DCDC2: variants seen among roughly 807,000 people sequenced by gnomAD.
The protein encoded by DCDC2 is doublecortin domain-containing protein 2.
In DCDC2, 40 loss-of-function variants were observed where a neutral mutation model predicts 50.2. The observed-to-expected ratio is 0.80, with a 90% CI of 0.62 to 1.04. The LOEUF (loss-of-function observed/expected upper bound fraction) is 1.04. Ranked by LOEUF, DCDC2 falls within the 50% of genes least tolerant of loss-of-function variation. The probability of loss-of-function intolerance (pLI) is 0.00; values close to 1 mark genes in which losing one functional copy is unlikely to be tolerated. For synonymous variants in DCDC2, 234 were observed against 210.6 expected, an observed-to-expected ratio of 1.11 and a Z score of -0.96; for missense variants, 570 against 581.9, an observed-to-expected ratio of 0.98 and a Z score of 0.21.
intron 7 of DCDC2, among the ~76,000 whole-genome samples, chr6:24,264,410 T>C (rs1435469755): frequency 8.5e-6 from 1 of 117,316 alleles, no homozygotes; most frequent in Admixed American, 9.9e-5. Flanking sequence ...CTATTAAAAA[T>C]AACTACAAAA....
intron 7 of DCDC2, among the ~76,000 whole-genome samples, chr6:24,270,247 G>T (rs924837697): frequency 6.6e-6 from 1 of 152,078 alleles, no homozygotes; most frequent in Admixed American, 6.5e-5. Context: ...TTGACTCTGG[G>T]CAAACTGGTT....
chr6:24,175,276 A>T lies in DCDC2; in HGVS notation c.1327-442T>A, dbSNP rs978680206. 2.0e-4 allele frequency among the ~76,000 whole-genome samples: 31 copies of T among 152,326 alleles called. 1 individual carries two copies. The highest frequency in any genetic ancestry group is 3.4e-3 in the Middle Eastern group (1 of 294). ...TGGTACCAAGTACCATCAAGTAGCAAGTAGATAAGAAAAAGACAGAAAATC... is the reference window on the plus strand; with the variant it reads ...TGGTACCAAGTACCATCAAGTAGCATGTAGATAAGAAAAAGACAGAAAATC... On this transcript the variant is annotated intron_variant, in intron 9 of 9. Coordinates refer to ENST00000378454, the MANE Select transcript of DCDC2 (RefSeq NM_016356.5).
chr6:24,173,022 A>AATAATAATAAT lies in DCDC2; in HGVS notation c.*1707_*1708insATTATTATTAT, dbSNP rs1760818963. On this transcript the variant is annotated 3_prime_UTR_variant, in exon 10 of 10. Coordinates refer to ENST00000378454, the MANE Select transcript of DCDC2 (RefSeq NM_016356.5). ...ATAATAATAATAATAATAATAATAAAGATCAATTGGTCTATTTGCCTACCA... is the reference window on the plus strand; with the variant it reads ...ATAATAATAATAATAATAATAATAAAATAATAATAATGATCAATTGGTCTATTTGCCTACCA... 1 of 116,666 alleles carries AATAATAATAAT rather than the reference A, an allele frequency of 8.6e-6. No homozygotes were observed. 7.2% of individuals were successfully genotyped at this position (116,666 alleles called of 1,614,324 possible).
At chr6:24,272,115 C>T (rs1763252156) in intron 7 of DCDC2, among the ~76,000 whole-genome samples, 4 of 152,138 alleles carry the variant, frequency 2.6e-5, no homozygotes, top group Admixed American at 2.6e-4. Context: ...TAGTATTTTA[C>T]TCCACTCAAA....
At chr6:24,275,269 A>T (rs1174636942) in intron 7 of DCDC2, among the ~76,000 whole-genome samples, 1 of 152,212 alleles carries the variant, frequency 6.6e-6, no homozygotes, top group African/African-American at 2.4e-5. Context: ...TTGATATTAT[A>T]ATCTGGAAAA....
chr6:24,359,564 T>TTA (rs1177406943), upstream of DCDC2, among the ~76,000 whole-genome samples: 1 of 116,724 alleles, frequency 8.6e-6, no homozygotes, highest in East Asian at 2.2e-4. Context: ...TTATATATTT[T>TTA]TATATATATA....
At chr6:24,207,035 T>C (rs943897846) in intron 7 of DCDC2, among the ~76,000 whole-genome samples, 10 of 152,208 alleles carry the variant, frequency 6.6e-5, no homozygotes, top group African/African-American at 2.2e-4. Flanking sequence ...ATAGGCCTAC[T>C]AGAATTTTCA....
At chr6:24,204,680 T>C (rs1197417090) in intron 8 of DCDC2, among the ~76,000 whole-genome samples, 3 of 152,148 alleles carry the variant, frequency 2.0e-5, no homozygotes, top group African/African-American at 2.4e-5. Context: ...CAGATGAAAA[T>C]CCCAAACCAA....
At chr6:24,238,497 C>G (rs1330198354) in intron 7 of DCDC2, among the ~76,000 whole-genome samples, 1 of 151,862 alleles carries the variant, frequency 6.6e-6, no homozygotes, top group Non-Finnish European at 1.5e-5. Context: ...TGGGGTTTCA[C>G]CATGTTGGCC....
chr6:24,280,780 T>G (rs1254485687), intron 6 of DCDC2, among the ~76,000 whole-genome samples: 1 of 152,268 alleles, frequency 6.6e-6, no homozygotes, highest in South Asian at 2.1e-4. Context: ...CCTCAGGTGA[T>G]CCACCCACCT....
chr6:24,185,646 A>G (rs977869492), intron 8 of DCDC2, among the ~76,000 whole-genome samples: 3 of 150,588 alleles, frequency 2.0e-5, no homozygotes, highest in African/African-American at 4.9e-5. Flanking sequence ...CAATCAAATC[A>G]TCCCCAGAAG....
At chr6:24,342,036 T>C (rs1760167263) in intron 2 of DCDC2, among the ~76,000 whole-genome samples, 2 of 152,240 alleles carry the variant, frequency 1.3e-5, no homozygotes, top group African/African-American at 4.8e-5. Flanking sequence ...TAAGTTTCTA[T>C]ATCCTAATCA....
At chr6:24,185,165 T>C (rs1761163324) in intron 8 of DCDC2, among the ~76,000 whole-genome samples, 2 of 152,214 alleles carry the variant, frequency 1.3e-5, no homozygotes, top group South Asian at 4.1e-4. Context: ...TTTTTTCTCC[T>C]TTTAATGCAA....
intron 2 of DCDC2, among the ~76,000 whole-genome samples, chr6:24,336,770 T>C (rs535916167): frequency 1.4e-4 from 22 of 152,246 alleles, no homozygotes; most frequent in Non-Finnish European, 2.9e-4. Flanking sequence ...GTAAACCCTG[T>C]CTTATTTCAC....
intron 7 of DCDC2, among the ~76,000 whole-genome samples, chr6:24,224,970 T>C (rs539547056): frequency 8.5e-5 from 13 of 152,322 alleles, no homozygotes; most frequent in Admixed American, 1.3e-4. Flanking sequence ...ATGCAACCAA[T>C]TAAAAACATA....
intron 1 of DCDC2, among the ~76,000 whole-genome samples, chr6:24,354,713 C>T (rs1004507076): frequency 6.6e-6 from 1 of 152,100 alleles, no homozygotes; most frequent in African/African-American, 2.4e-5. Flanking sequence ...ATTAATGCTG[C>T]AGAGTCAACT....
At chr6:24,342,845 G>T (rs1760184432) in intron 2 of DCDC2, among the ~76,000 whole-genome samples, 1 of 152,042 alleles carries the variant, frequency 6.6e-6, no homozygotes. Flanking sequence ...ATTATTAATT[G>T]GGTCTAAATA....
At chr6:24,307,829 A>G (rs1220828840) in intron 2 of DCDC2, among the ~76,000 whole-genome samples, 1 of 152,072 alleles carries the variant, frequency 6.6e-6, no homozygotes. Flanking sequence ...GATGAGATCT[A>G]CTAGACTGAA....
chr6:24,288,909 G>A lies in DCDC2; in HGVS notation c.705-3C>T, dbSNP rs768315540. 2.5e-6 allele frequency: 4 copies of A among 1,593,268 alleles called. No individual in the cohort carries two copies. The East Asian group carries it at 9.0e-5, about 36-fold the overall frequency. On this transcript the variant is annotated splice_polypyrimidine_tract_variant and splice_region_variant and intron_variant, in intron 5 of 9. Transcript: ENST00000378454. ...GAGGTAGTGAAGAAGCTTTCTGACT[G>A]TGGAAACAAATTGCAATTTAGAAAT...
Sources: allele counts gnomAD v4.1 joint callset (sites outside exome capture counted in the v4.1 genomes callset), GRCh38; gene constraint gnomAD v4.1.1; transcripts MANE v1.5; gene names NCBI Gene and HGNC (gene_info 2026-07-23, HGNC 2026-07-21).